MYL4: variants seen among roughly 807,000 people sequenced by gnomAD.
MYL4 encodes myosin light chain 4, also known as atrial myosin light chain 1.
A neutral mutation model predicts 21.6 loss-of-function variants in MYL4; 16 were observed. That is an observed-to-expected ratio of 0.74 (90% CI 0.50 to 1.12). The LOEUF is 1.12. Among genes scored for constraint, MYL4 ranks in the 50% most tolerant of loss-of-function variants. MYL4 has a pLI of 0.00. For synonymous variants in MYL4, 82 were observed against 95.7 expected (o/e 0.86, Z 0.83); for missense variants, 249 against 252.9 (o/e 0.98, Z 0.11).
At chr17:47,221,250 C>CT (rs975601435) in intron 3 of MYL4, among the ~76,000 whole-genome samples, 1 of 152,114 alleles carries the variant, frequency 6.6e-6, no homozygotes. Flanking sequence ...GCAAACGTTG[C>CT]TTTTTTCAAT....
chr17:47,220,186 A>G, intron 3 of MYL4, 133 bp downstream of exon 3: 1 of 1,074,894 alleles, frequency 9.3e-7, no homozygotes, highest in South Asian at 1.7e-5. Context: ...AGCCTCACCT[A>G]CCCAGCTTAC....
At chr17:47,201,908 A>T (rs531209815) in intron 1 of MYL4, among the ~76,000 whole-genome samples, 1 of 152,350 alleles carries the variant, frequency 6.6e-6, no homozygotes. Flanking sequence ...TATTATTAAA[A>T]ATTTTAATAA....
chr17:47,190,331 G>T, the MYL4 span, among the ~76,000 whole-genome samples: 1 of 152,156 alleles, frequency 6.6e-6, no homozygotes, highest in African/African-American at 2.4e-5. Flanking sequence ...TATAAATGTG[G>T]CCGTGTCTAG....
chr17:47,201,049 G>A (rs1262837374), intron 1 of MYL4, among the ~76,000 whole-genome samples: 2 of 152,190 alleles, frequency 1.3e-5, no homozygotes, highest in East Asian at 3.8e-4. Flanking sequence ...GCGGGCACCT[G>A]TAATCCCAGC....
chr17:47,207,792 CT>C (rs1193221455), upstream of MYL4, among the ~76,000 whole-genome samples: 3 of 152,034 alleles, frequency 2.0e-5, no homozygotes, highest in African/African-American at 7.2e-5. Context: ...ACAGTAAATG[CT>C]CGTTATAAAA....
upstream of MYL4, among the ~76,000 whole-genome samples, chr17:47,206,311 T>G (rs918260705): frequency 2.0e-5 from 3 of 152,008 alleles, no homozygotes; most frequent in East Asian, 5.8e-4. Context: ...TCTTAGAATT[T>G]AGAAAAGAAA....
the MYL4 span, among the ~76,000 whole-genome samples, chr17:47,190,348 A>T: frequency 4.6e-5 from 7 of 152,214 alleles, no homozygotes; most frequent in East Asian, 1.2e-3. Context: ...CTAGCATGCA[A>T]TGTAGACTCT....
At chr17:47,194,822 C>T in the MYL4 span, among the ~76,000 whole-genome samples, 5 of 152,154 alleles carry the variant, frequency 3.3e-5, no homozygotes, top group South Asian at 2.1e-4. Context: ...CTTACTGTAG[C>T]CTTAACCTCC....
the MYL4 span, among the ~76,000 whole-genome samples, chr17:47,194,898 G>A: frequency 2.0e-5 from 3 of 149,026 alleles, no homozygotes; most frequent in Admixed American, 6.7e-5. Context: ...ATGCCACCAC[G>A]CCTGGCTATT....
At chr17:47,216,097 CT>C (rs112133657) in intron 2 of MYL4, among the ~76,000 whole-genome samples, 3,140 of 144,640 alleles carry the variant, frequency 0.022, 29 homozygotes, top group Non-Finnish European at 0.022. Context: ...TTCTTTTGTG[CT>C]TTTTTTTTTT....
upstream of MYL4, among the ~76,000 whole-genome samples, chr17:47,208,259 C>CA (rs913633906): frequency 2.1e-4 from 32 of 151,778 alleles, no homozygotes; most frequent in African/African-American, 6.5e-4. Context: ...TACTGAAAAA[C>CA]AAAAAACAAA....
chr17:47,192,643 G>C, the MYL4 span, among the ~76,000 whole-genome samples: 2 of 151,076 alleles, frequency 1.3e-5, no homozygotes, highest in African/African-American at 4.9e-5. Context: ...GTGCAAGACT[G>C]TGTCTCAAAA....
chr17:47,223,838 AG>A (rs2064875271), downstream of MYL4, among the ~76,000 whole-genome samples: 3 of 152,188 alleles, frequency 2.0e-5, no homozygotes, highest in Admixed American at 2.0e-4. Flanking sequence ...CAAGGACAAA[AG>A]CCTGTGGATC....
the MYL4 span, among the ~76,000 whole-genome samples, chr17:47,191,089 G>A: frequency 2.6e-5 from 4 of 152,322 alleles, no homozygotes; most frequent in Non-Finnish European, 4.4e-5. Flanking sequence ...AACAAAGTGC[G>A]CAAAAATAGA....
chr17:47,220,080 T>TC, intron 3 of MYL4, 27 bp downstream of exon 3: 1 of 1,587,084 alleles, frequency 6.3e-7, no homozygotes, highest in South Asian at 1.1e-5. Flanking sequence ...GGCAGACCTC[T>TC]CCCAGGGTCA....
At chr17:47,215,594 A>G (rs182990848) in intron 2 of MYL4, among the ~76,000 whole-genome samples, 1 of 152,324 alleles carries the variant, frequency 6.6e-6, no homozygotes, top group African/African-American at 2.4e-5. Flanking sequence ...ATTATTGGCC[A>G]TGAGACTTCG....
intron 2 of MYL4, among the ~76,000 whole-genome samples, chr17:47,214,535 A>C (rs1451992387): frequency 6.6e-6 from 1 of 152,206 alleles, no homozygotes; most frequent in African/African-American, 2.4e-5. Flanking sequence ...CACCTAATCC[A>C]ACCCCCTCAT....
intron 1 of MYL4, among the ~76,000 whole-genome samples, chr17:47,201,433 G>C (rs990052268): frequency 2.7e-5 from 4 of 150,710 alleles, no homozygotes; most frequent in African/African-American, 4.9e-5. Flanking sequence ...CGCCTTTCTT[G>C]TTTAATTACT....
At chr17:47,223,972 G>A (rs915522701), downstream of MYL4, among the ~76,000 whole-genome samples, 2 of 152,106 alleles carry the variant, frequency 1.3e-5, no homozygotes, top group Non-Finnish European at 2.9e-5. Flanking sequence ...CCTCCAGATG[G>A]CAGGCAGAGA....
Sources: gnomAD v4.1 joint callset for allele counts (sites outside exome capture counted in the v4.1 genomes callset) on GRCh38, gnomAD v4.1.1 for gene constraint, MANE v1.5 for transcripts, NCBI Gene and HGNC (gene_info 2026-07-23, HGNC 2026-07-21) for gene names.